Variants in CERS3 observed in about 807,000 individuals in gnomAD.
CERS3 encodes the protein ceramide synthase 3.
In CERS3, 33 loss-of-function variants were observed where a neutral mutation model predicts 50.3. The ratio of observed to expected loss-of-function variants is 0.66; its 90% CI spans 0.50 to 0.88. CERS3 has a LOEUF of 0.88. Ranked by LOEUF, CERS3 falls within the 40% of genes least tolerant of loss-of-function variation. The pLI is 0.00. For synonymous variants in CERS3, 176 were observed against 155.2 expected (o/e 1.13, Z -0.99); for missense variants, 470 against 460.3 (o/e 1.02, Z -0.19).
At chr15:100,469,028 C>T (rs182886872) in intron 10 of CERS3, among the ~76,000 whole-genome samples, 4 of 152,258 alleles carry the variant, frequency 2.6e-5, no homozygotes, top group East Asian at 1.9e-4. Context: ...ACAGAACATA[C>T]CTCTCTTTTA....
intron 10 of CERS3, among the ~76,000 whole-genome samples, chr15:100,463,789 CT>C (rs1485113882): frequency 6.6e-6 from 1 of 152,160 alleles, no homozygotes; most frequent in Non-Finnish European, 1.5e-5. Context: ...TTGTACCTTC[CT>C]TTTCTTTGCT....
At chr15:100,451,891 G>C (rs980700052) in intron 11 of CERS3, among the ~76,000 whole-genome samples, 1 of 151,890 alleles carries the variant, frequency 6.6e-6, no homozygotes, top group Non-Finnish European at 1.5e-5. Context: ...AGACAAAAAA[G>C]ACCATTATAT....
At chr15:100,538,920 C>T (rs1231449049) in intron 1 of CERS3, among the ~76,000 whole-genome samples, 1 of 152,218 alleles carries the variant, frequency 6.6e-6, no homozygotes, top group African/African-American at 2.4e-5. Flanking sequence ...CAAACCATCT[C>T]TTTGTGAATG....
chr15:100,482,611 T>TAAA (rs74771339), intron 5 of CERS3, among the ~76,000 whole-genome samples: 234 of 80,010 alleles, frequency 2.9e-3, no homozygotes, highest in African/African-American at 9.8e-3. Flanking sequence ...TTTTTTTTTT[T>TAAA]AAAAAAAAGG....
intron 2 of CERS3, among the ~76,000 whole-genome samples, chr15:100,503,033 A>C (rs1386056842): frequency 6.6e-6 from 1 of 152,266 alleles, no homozygotes; most frequent in Non-Finnish European, 1.5e-5. Context: ...AGAATAATGT[A>C]AATTAGATGT....
At chr15:100,528,970 T>G (rs2036872632), upstream of CERS3, 1 of 152,192 alleles carries the variant, frequency 6.6e-6, no homozygotes, top group African/African-American at 2.4e-5. Context: ...CCCTCCAAAG[T>G]TGCGAGTCAA....
chr15:100,476,515 G>A (rs2035133044), intron 7 of CERS3, among the ~76,000 whole-genome samples: 1 of 152,158 alleles, frequency 6.6e-6, no homozygotes, highest in South Asian at 2.1e-4. Flanking sequence ...ACAATGGGAA[G>A]TCTTTTCTGC....
chr15:100,423,291 T>C (rs1409543225), intron 11 of CERS3, among the ~76,000 whole-genome samples: 4 of 152,116 alleles, frequency 2.6e-5, no homozygotes. Context: ...GAAATATAAA[T>C]TGTTCTACCA....
chr15:100,497,413 T>C (rs1430771774), intron 3 of CERS3, among the ~76,000 whole-genome samples: 1 of 151,892 alleles, frequency 6.6e-6, no homozygotes, highest in Non-Finnish European at 1.5e-5. Flanking sequence ...ATTAGTTCAT[T>C]TATCCAACCT....
chr15:100,524,437 A>G (rs114202616), intron 1 of CERS3, among the ~76,000 whole-genome samples: 2,467 of 152,326 alleles, frequency 0.016, 66 homozygotes, highest in African/African-American at 0.057. Flanking sequence ...CTCTTACACA[A>G]TTAGTTATAG....
chr15:100,476,277 A>G lies in CERS3; in HGVS notation c.517-99T>C, dbSNP rs111666472. On this transcript the variant is annotated intron_variant, in intron 7 of 11. Coordinates refer to ENST00000679737, the MANE Select transcript of CERS3 (RefSeq NM_001378789.1). ...CTTTTATACCTATTTATATCCCACCAGATTCCATAAAATAACATTGACTGA... is the reference window on the plus strand; with the variant it reads ...CTTTTATACCTATTTATATCCCACCGGATTCCATAAAATAACATTGACTGA... 213 of 600,858 alleles carry G rather than the reference A, an allele frequency of 3.5e-4. No homozygotes were observed. In the African/African-American group the frequency reaches 4.0e-3, roughly 11 times the overall value. The allele number at this position is 600,858 out of a possible 1,614,324, so 37.2% of individuals were successfully genotyped here.
At chr15:100,513,303 T>G (rs1202475637) in intron 2 of CERS3, among the ~76,000 whole-genome samples, 1 of 152,186 alleles carries the variant, frequency 6.6e-6, no homozygotes, top group Admixed American at 6.5e-5. Context: ...GGGAAGGTTG[T>G]GTCAGAGGCT....
At chr15:100,440,440 CA>C (rs1233359650) in intron 11 of CERS3, among the ~76,000 whole-genome samples, 1 of 152,198 alleles carries the variant, frequency 6.6e-6, no homozygotes, top group Non-Finnish European at 1.5e-5. Flanking sequence ...CACCAGAGAA[CA>C]AACCCCCTTT....
At chr15:100,424,082 C>G (rs1266046311) in intron 11 of CERS3, among the ~76,000 whole-genome samples, 1 of 152,034 alleles carries the variant, frequency 6.6e-6, no homozygotes, top group African/African-American at 2.4e-5. Context: ...GCTTGGATTA[C>G]AGGTATGCAC....
intron 5 of CERS3, among the ~76,000 whole-genome samples, chr15:100,483,768 A>ATTATT (rs397943802): frequency 1.5e-5 from 2 of 132,420 alleles, no homozygotes; most frequent in Non-Finnish European, 1.6e-5. Flanking sequence ...GATCAATAAT[A>ATTATT]ATAATAATTA....
At chr15:100,460,928 G>C (rs1006665507) in intron 10 of CERS3, among the ~76,000 whole-genome samples, 7 of 152,164 alleles carry the variant, frequency 4.6e-5, no homozygotes, top group African/African-American at 1.7e-4. Context: ...ATGTACAAAG[G>C]CTGTCAAGTG....
At chr15:100,514,610 TC>T (rs1455400075) in intron 2 of CERS3, among the ~76,000 whole-genome samples, 1 of 152,140 alleles carries the variant, frequency 6.6e-6, no homozygotes, top group African/African-American at 2.4e-5. Context: ...AAATATTAAC[TC>T]CAGATAATAA....
chr15:100,480,166 T>G, intron 5 of CERS3, 120 bp from the exon 6 acceptor site: 1 of 744,186 alleles, frequency 1.3e-6, no homozygotes, highest in Middle Eastern at 2.4e-4. Flanking sequence ...CAAATCAAAG[T>G]TTCTATCCTG....
At chr15:100,501,924 T>C in intron 2 of CERS3, 74 bp from the exon 3 acceptor site, 1 of 1,480,534 alleles carries the variant, frequency 6.8e-7, no homozygotes, top group Non-Finnish European at 9.3e-7. Context: ...TCACCTTGGC[T>C]CAAAATGCCA....
Sources: allele counts gnomAD v4.1 joint callset (sites outside exome capture counted in the v4.1 genomes callset), GRCh38; gene constraint gnomAD v4.1.1; transcripts MANE v1.5; gene names NCBI Gene and HGNC (gene_info 2026-07-23, HGNC 2026-07-21).